Variants in CSTPP1 observed in about 807,000 individuals in gnomAD.
CSTPP1 encodes the protein centriolar satellite-associated tubulin polyglutamylase complex regulator 1, also known as UPF0705 protein C11orf49.
chr11:46,936,730 A>T, the CSTPP1 span: 1 of 1,587,828 alleles, frequency 6.3e-7, no homozygotes, highest in African/African-American at 1.4e-5. Flanking sequence ...CGTGGGTGCC[A>T]TGGCAACGGA....
chr11:47,090,552 C>T, the CSTPP1 span, among the ~76,000 whole-genome samples: 6 of 152,102 alleles, frequency 3.9e-5, no homozygotes, highest in Non-Finnish European at 8.8e-5. Context: ...AGAGAGGTCC[C>T]TGGAAATGCC....
chr11:47,055,176 G>A, the CSTPP1 span, among the ~76,000 whole-genome samples: 3 of 151,804 alleles, frequency 2.0e-5, no homozygotes, highest in East Asian at 5.8e-4. Flanking sequence ...CAAGCCACTC[G>A]TCCACCTCAG....
the CSTPP1 span, among the ~76,000 whole-genome samples, chr11:46,964,393 C>G: frequency 6.6e-6 from 1 of 151,950 alleles, no homozygotes; most frequent in Non-Finnish European, 1.5e-5. Flanking sequence ...TCACGCCATT[C>G]TCCTGCCTTA....
At chr11:46,980,902 C>T in the CSTPP1 span, among the ~76,000 whole-genome samples, 13 of 152,070 alleles carry the variant, frequency 8.5e-5, no homozygotes, top group South Asian at 2.1e-4. Flanking sequence ...ACTATTAAAT[C>T]GGCAAAATTA....
chr11:47,153,233 T>C, the CSTPP1 span, among the ~76,000 whole-genome samples: 1 of 152,212 alleles, frequency 6.6e-6, no homozygotes, highest in East Asian at 1.9e-4. Flanking sequence ...CCTTTGGCAC[T>C]GCACTTAGTC....
At chr11:47,038,641 C>T in the CSTPP1 span, among the ~76,000 whole-genome samples, 3,488 of 117,990 alleles carry the variant, frequency 0.03, 905 homozygotes, top group Non-Finnish European at 0.052. Flanking sequence ...CTGACCCCCC[C>T]ACCTCTCTCC....
the CSTPP1 span, among the ~76,000 whole-genome samples, chr11:47,034,272 TC>T: frequency 6.6e-6 from 1 of 152,102 alleles, no homozygotes; most frequent in Non-Finnish European, 1.5e-5. Flanking sequence ...ATTTATCTTT[TC>T]CCTTCAAAGC....
At chr11:47,014,739 G>A in the CSTPP1 span, among the ~76,000 whole-genome samples, 1 of 132,926 alleles carries the variant, frequency 7.5e-6, no homozygotes. Context: ...AAGAGAGAGA[G>A]AAGGAAAGGA....
the CSTPP1 span, among the ~76,000 whole-genome samples, chr11:47,151,416 AGAG>A: frequency 4.0e-5 from 6 of 151,640 alleles, no homozygotes; most frequent in African/African-American, 1.5e-4. Flanking sequence ...AAAAAAAGCA[AGAG>A]GAGTAGTTGC....
At chr11:47,086,489 A>G in the CSTPP1 span, among the ~76,000 whole-genome samples, 4 of 152,042 alleles carry the variant, frequency 2.6e-5, no homozygotes, top group East Asian at 7.7e-4. Context: ...AGATGGAGAC[A>G]GAAAAGGGGA....
chr11:47,156,807 G>A, the CSTPP1 span, among the ~76,000 whole-genome samples: 8 of 152,224 alleles, frequency 5.3e-5, no homozygotes, highest in Admixed American at 5.2e-4. Flanking sequence ...ACTGAGCCAA[G>A]GATGGGACAT....
the CSTPP1 span, among the ~76,000 whole-genome samples, chr11:47,023,680 G>A: frequency 6.6e-6 from 1 of 152,054 alleles, no homozygotes; most frequent in Non-Finnish European, 1.5e-5. Flanking sequence ...ACTACTCTAG[G>A]TACCTCAAGT....
chr11:46,987,972 C>T, the CSTPP1 span: 2 of 152,252 alleles, frequency 1.3e-5, no homozygotes, highest in Non-Finnish European at 2.9e-5. Context: ...TGCTCAACAT[C>T]ATTGATCATC....
At chr11:47,124,107 G>A in the CSTPP1 span, among the ~76,000 whole-genome samples, 1 of 133,300 alleles carries the variant, frequency 7.5e-6, no homozygotes, top group Non-Finnish European at 1.6e-5. Context: ...AGTTCTTAAT[G>A]GTCTTACTTT....
At chr11:47,036,268 TA>T in the CSTPP1 span, among the ~76,000 whole-genome samples, 1 of 72,622 alleles carries the variant, frequency 1.4e-5, no homozygotes, top group Non-Finnish European at 3.0e-5. Flanking sequence ...ATATAATATA[TA>T]TATTATATAT....
chr11:46,989,605 A>G, the CSTPP1 span, among the ~76,000 whole-genome samples: 1 of 152,192 alleles, frequency 6.6e-6, no homozygotes, highest in Non-Finnish European at 1.5e-5. Flanking sequence ...CCAACTGATT[A>G]CCACTTTTTG....
chr11:47,069,341 A>T, the CSTPP1 span, among the ~76,000 whole-genome samples: 1 of 152,204 alleles, frequency 6.6e-6, no homozygotes, highest in Non-Finnish European at 1.5e-5. Flanking sequence ...CTGCTAAATG[A>T]ACATATACAT....
chr11:46,950,529 A>AT, the CSTPP1 span, among the ~76,000 whole-genome samples: 2 of 152,026 alleles, frequency 1.3e-5, no homozygotes, highest in Non-Finnish European at 2.9e-5. Context: ...TCATATATAT[A>AT]TTTTTTAATA....
At chr11:46,964,458 T>C in the CSTPP1 span, among the ~76,000 whole-genome samples, 3 of 152,140 alleles carry the variant, frequency 2.0e-5, no homozygotes, top group Non-Finnish European at 4.4e-5. Flanking sequence ...ACTAATATTT[T>C]GTATTTTTAG....
Sources: gnomAD v4.1 joint callset for allele counts (sites outside exome capture counted in the v4.1 genomes callset) on GRCh38, gnomAD v4.1.1 for gene constraint, MANE v1.5 for transcripts, NCBI Gene and HGNC (gene_info 2026-07-23, HGNC 2026-07-21) for gene names.